The following CUZD1 variants were observed in gnomAD, a reference collection of about 807,000 sequenced individuals.
CUZD1 encodes CUB and zona pellucida-like domain-containing protein 1.
CUZD1 carries 42 observed loss-of-function variants against 53.1 expected under a neutral mutation model. The ratio of observed to expected loss-of-function variants is 0.79; its 90% CI spans 0.62 to 1.02. The LOEUF (loss-of-function observed/expected upper bound fraction) is 1.02, where lower values mean the gene tolerates loss of function less well. Ranked by LOEUF, CUZD1 falls within the 50% of genes least tolerant of loss-of-function variation. The probability of loss-of-function intolerance (pLI) is 0.00; values close to 1 mark genes in which losing one functional copy is unlikely to be tolerated. For synonymous variants in CUZD1, 238 were observed against 257.2 expected (o/e 0.93, Z 0.71); for missense variants, 670 against 715.7 (o/e 0.94, Z 0.73).
At chr10:122,840,650 GGCACTTATAAAAA>G (rs1219369311) in intron 2 of CUZD1, among the ~76,000 whole-genome samples, 16 of 151,938 alleles carry the variant, frequency 1.1e-4, no homozygotes, top group South Asian at 2.1e-4. Flanking sequence ...GGGTCACCTG[GGCACTTATAAAAA>G]GCACTTATAA....
chr10:122,838,927 C>G (rs1341971001), intron 3 of CUZD1, 90 bp downstream of exon 3: 1 of 966,578 alleles, frequency 1.0e-6, no homozygotes, highest in Non-Finnish European at 1.6e-6. Flanking sequence ...GGAATATACT[C>G]AGACTGAAGA....
chr10:122,845,847 G>T lies in CUZD1; in HGVS notation c.-4C>A, dbSNP rs772127752. 4 of 1,613,384 alleles carry T rather than the reference G, an allele frequency of 2.5e-6. 1 individual carries two copies. The South Asian group carries it at 4.4e-5, about 18-fold the overall frequency. On this transcript the variant is annotated 5_prime_UTR_variant, in exon 1 of 9. Coordinates refer to ENST00000392790, the MANE Select transcript of CUZD1 (RefSeq NM_022034.6). ...TGAGCCTTCTTACAAGCTCCATTTT[G>T]GCAAGGCGCTGGGCAGCCTTAAGGA...
chr10:122,837,636 C>T (rs1847274531), intron 3 of CUZD1, 82 bp from the exon 4 acceptor site: 1 of 1,292,372 alleles, frequency 7.7e-7, no homozygotes, highest in South Asian at 1.5e-5. Context: ...TTGAGCTTAA[C>T]ACATCTCTCC....
intron 2 of CUZD1, among the ~76,000 whole-genome samples, chr10:122,839,999 A>G (rs1437291448): frequency 2.0e-5 from 3 of 152,212 alleles, no homozygotes; most frequent in African/African-American, 7.2e-5. Context: ...AATATTCTGA[A>G]TATGAAGCAC....
At chr10:122,841,426 G>A in intron 1 of CUZD1, 98 bp from the exon 2 acceptor site, 3 of 1,196,162 alleles carry the variant, frequency 2.5e-6, no homozygotes, top group Non-Finnish European at 3.4e-6. Context: ...ATACATACAA[G>A]TAGGCAGCTA....
Position 122,837,552 on chromosome 10 carries a change from T to C in CUZD1, c.451A>G (p.Ile151Val). The change falls in exon 4 of 9, where the codon ATT becomes GTT. Residue 151 changes from isoleucine to valine, a missense_variant and splice_region_variant. Coordinates refer to ENST00000392790, the MANE Select transcript of CUZD1 (RefSeq NM_022034.6). ...FYYFFSPNIS[I>V]PNCGGYLDTL... ...TCCAGGTAACCGCCACAGTTTGGAA[T>C]AGCTGAAATGGATGTGAAGGTGGTC... is the stretch of plus-strand genomic sequence containing the variant. 1 of 1,564,594 alleles carries C rather than the reference T, an allele frequency of 6.4e-7. No individual in the cohort carries two copies. The highest frequency in any genetic ancestry group is 1.2e-5 in the South Asian group (1 of 81,140).
At chr10:122,839,448 T>A (rs1234530637) in intron 2 of CUZD1, among the ~76,000 whole-genome samples, 1 of 152,222 alleles carries the variant, frequency 6.6e-6, no homozygotes, top group Admixed American at 6.5e-5. Context: ...GCTTTGCCTA[T>A]GTCTTGTATC....
At chr10:122,836,439 T>C (rs1847252301) in intron 5 of CUZD1, 89 bp from the exon 6 acceptor site, 1 of 1,179,652 alleles carries the variant, frequency 8.5e-7, no homozygotes, top group Non-Finnish European at 1.1e-6. Context: ...CAAGTAAATA[T>C]ATAAAAAGTC....
chr10:122,838,988 G>T, intron 3 of CUZD1, 29 bp downstream of exon 3: 1 of 1,529,720 alleles, frequency 6.5e-7, no homozygotes, highest in Non-Finnish European at 9.1e-7. Context: ...TAGGAGATGT[G>T]GGTGAAGGTT....
At chr10:122,844,605 C>A (rs1360149042) in intron 1 of CUZD1, among the ~76,000 whole-genome samples, 1 of 152,162 alleles carries the variant, frequency 6.6e-6, no homozygotes, top group Non-Finnish European at 1.5e-5. Flanking sequence ...TGGTGACTCA[C>A]ACCTGTAATC....
At chr10:122,838,103 T>G (rs1050055202) in intron 3 of CUZD1, 4 of 153,030 alleles carry the variant, frequency 2.6e-5, no homozygotes, top group Non-Finnish European at 4.4e-5. Flanking sequence ...AGTAAGTACA[T>G]AAGGAAGCAG....
rs36212406 is a variant in CUZD1 at position 122,840,986 on chromosome 10, G to A, written c.233+192C>T. Among the ~76,000 whole-genome samples the A allele has an allele frequency of 1.1e-3, 163 of 152,238 alleles. 1 individual carries two copies. The highest frequency in any genetic ancestry group is 2.0e-3 in the Non-Finnish European group (133 of 68,026). ...TGCTGACCTTGAAGGACCTCTGTGA[G>A]CCAGTGCCGGGCACACAGCCATCAT... is the stretch of plus-strand genomic sequence containing the variant. On this transcript the variant is annotated intron_variant, in intron 2 of 8. Transcript: ENST00000392790.
Position 122,836,837 on chromosome 10 carries a change from T to G in CUZD1, c.811A>C (p.Asn271His), listed in dbSNP as rs763022334. Reference protein sequence around the residue: ...SYTSIYAENINTTSLTCSSDR... With the variant: ...SYTSIYAENIHTTSLTCSSDR... ...AATATAAAACATGACTTACTAGTGTTGATGTTTTCTGCATAAATTGAGGTG... is the reference window on the plus strand; with the variant it reads ...AATATAAAACATGACTTACTAGTGTGGATGTTTTCTGCATAAATTGAGGTG... The change falls in exon 5 of 9, where the codon AAC (asparagine) becomes CAC (histidine). Residue 271 changes from asparagine (N) to histidine (H), a missense_variant. Physicochemically the swap from Asn to His is moderately conservative, Grantham distance 68 (BLOSUM62 1). Coordinates refer to ENST00000392790, the MANE Select transcript of CUZD1 (RefSeq NM_022034.6). The G allele has an allele frequency of 1.2e-6, 2 of 1,609,196 alleles. No individual in the cohort carries two copies. The highest frequency in any genetic ancestry group is 1.7e-6 in the Non-Finnish European group (2 of 1,175,604).
rs1275067073 is a variant in CUZD1, at chr10:122,842,953, GA to G, written c.83-1626del. On this transcript the variant is annotated intron_variant, in intron 1 of 8. Coordinates refer to ENST00000392790, the MANE Select transcript of CUZD1 (RefSeq NM_022034.6). ...ATTAGGATGGCTAGAGTCAAACACA[GA>G]AAACAGCAAGTGTTGACAAGGACAT... Among the ~76,000 whole-genome samples, 11 of 152,230 alleles carry G rather than the reference GA, an allele frequency of 7.2e-5. No individual in the cohort carries two copies. The East Asian group carries it at 2.1e-3, about 29-fold the overall frequency.
chr10:122,840,110 A>ATATATAT (rs1459041967), intron 2 of CUZD1, among the ~76,000 whole-genome samples: 2 of 152,216 alleles, frequency 1.3e-5, no homozygotes, highest in African/African-American at 4.8e-5. Flanking sequence ...CTTCTTACAC[A>ATATATAT]GCAAGAATAG....
In CUZD1 at chr10:122,837,563, G is replaced by A; in HGVS notation, c.449-9C>T. 1 of 1,548,564 alleles carries A rather than the reference G, an allele frequency of 6.5e-7. No homozygotes were observed. Among genetic ancestry groups the A allele is most frequent in the Non-Finnish European group, 8.7e-7 (1 of 1,153,100 alleles). ...GCCACAGTTTGGAATAGCTGAAATG[G>A]ATGTGAAGGTGGTCAAGAATGAACA... On this transcript the variant is annotated splice_polypyrimidine_tract_variant and intron_variant, in intron 3 of 8. Coordinates refer to ENST00000392790, the MANE Select transcript of CUZD1 (RefSeq NM_022034.6).
At position 122,842,522 on chromosome 10, in the gene CUZD1, G is replaced by C. The variant is rs544839629; in HGVS notation, c.83-1194C>G. 3.3e-5 allele frequency among the ~76,000 whole-genome samples: 5 copies of C among 152,228 alleles called. No individual in the cohort carries two copies. The East Asian group carries it at 7.7e-4, about 23-fold the overall frequency. On this transcript the variant is annotated intron_variant, in intron 1 of 8. Transcript: ENST00000392790. ...CACCTGCTTGATTACTGTAGTTTATGTTATTACTGTAGGTAACATGACTGT... is the reference window on the plus strand; with the variant it reads ...CACCTGCTTGATTACTGTAGTTTATCTTATTACTGTAGGTAACATGACTGT...
At chr10:122,836,752 G>T in intron 5 of CUZD1, 79 bp downstream of exon 5, 1 of 1,120,912 alleles carries the variant, frequency 8.9e-7, no homozygotes, top group South Asian at 1.3e-5. Flanking sequence ...ATAGCCACAG[G>T]TAGGCTAAAA....
chr10:122,837,985 TGAG>T, intron 3 of CUZD1: 2 of 155,872 alleles, frequency 1.3e-5, no homozygotes, highest in Admixed American at 1.3e-4. Flanking sequence ...CCAGCAGAGG[TGAG>T]TCCTCTTCCC....
Sources: gnomAD v4.1 joint callset for allele counts (sites outside exome capture counted in the v4.1 genomes callset) on GRCh38, gnomAD v4.1.1 for gene constraint, MANE v1.5 for transcripts, NCBI Gene and HGNC (gene_info 2026-07-23, HGNC 2026-07-21) for gene names.